Variants in GPHN observed in about 807,000 individuals in gnomAD.
GPHN encodes gephyrin.
A neutral mutation model predicts 95.5 loss-of-function variants in GPHN; 17 were observed. The ratio of observed to expected loss-of-function variants is 0.18; its 90% CI spans 0.12 to 0.27. The LOEUF (loss-of-function observed/expected upper bound fraction) is 0.27, where lower values mean the gene tolerates loss of function less well. GPHN is among the 10% of genes least tolerant of loss of function. The pLI is 1.00. For missense variants in GPHN, 660 were observed against 978.1 expected, an observed-to-expected ratio of 0.67 and a Z score of 4.34; for synonymous variants, 320 against 322.5, an observed-to-expected ratio of 0.99 and a Z score of 0.08.
intron 1 of GPHN, among the ~76,000 whole-genome samples, chr14:66,528,240 T>C (rs1395743429): frequency 6.6e-6 from 1 of 152,248 alleles, no homozygotes; most frequent in Non-Finnish European, 1.5e-5. Flanking sequence ...TCTCTTTTGA[T>C]CTTTGTTGGC....
At chr14:66,997,983 T>C (rs2071933039) in intron 9 of GPHN, among the ~76,000 whole-genome samples, 1 of 152,236 alleles carries the variant, frequency 6.6e-6, no homozygotes, top group Non-Finnish European at 1.5e-5. Context: ...TTTTTGCCAC[T>C]TCATCCAGGC....
intron 9 of GPHN, 55 bp downstream of exon 9, chr14:66,965,380 A>C: frequency 6.8e-7 from 1 of 1,478,168 alleles, no homozygotes; most frequent in Middle Eastern, 1.7e-4. Flanking sequence ...ATCTGGGAAA[A>C]CTAACCAATA....
At chr14:67,062,028 C>A (rs888280612) in intron 11 of GPHN, among the ~76,000 whole-genome samples, 4 of 152,044 alleles carry the variant, frequency 2.6e-5, no homozygotes, top group Non-Finnish European at 5.9e-5. Context: ...TGTAAGACAA[C>A]TGACTGAAAT....
intron 9 of GPHN, among the ~76,000 whole-genome samples, chr14:67,002,138 A>G (rs540476054): frequency 7.3e-5 from 11 of 151,672 alleles, no homozygotes; most frequent in African/African-American, 2.7e-4. Flanking sequence ...TATTCAAAAA[A>G]CAGAAGTTTA....
At chr14:67,582,491 T>A in the GPHN span, among the ~76,000 whole-genome samples, 1 of 152,094 alleles carries the variant, frequency 6.6e-6, no homozygotes, top group Non-Finnish European at 1.5e-5. The surrounding 1 kb of genome is among the most constrained non-coding windows in gnomAD (Gnocchi z 5.0). Flanking sequence ...ACTTCACTTC[T>A]CTATGCTTTA....
the GPHN span, chr14:67,562,792 G>C: frequency 6.2e-7 from 1 of 1,613,824 alleles, no homozygotes. Context: ...CAGCAGGGAA[G>C]AATGAGGAAA....
the GPHN span, among the ~76,000 whole-genome samples, chr14:67,357,088 T>C: frequency 6.6e-6 from 1 of 152,244 alleles, no homozygotes; most frequent in Non-Finnish European, 1.5e-5. Flanking sequence ...ACAGCTAATA[T>C]GTAGCAGAAC....
intron 5 of GPHN, among the ~76,000 whole-genome samples, chr14:66,904,018 G>A (rs971153107): frequency 6.6e-6 from 1 of 152,046 alleles, no homozygotes. Flanking sequence ...CTCTTAACAG[G>A]TTGTTGTAGC....
In GPHN at chr14:67,175,159, A is replaced by G. The variant is rs936546200; in HGVS notation, c.2080-4419A>G. ...AGTCATGAAGTCCTTGCCCATGCCTATGTCCTGAATGGTATTGTCTAGGTT... is the reference window on the plus strand; with the variant it reads ...AGTCATGAAGTCCTTGCCCATGCCTGTGTCCTGAATGGTATTGTCTAGGTT... On this transcript the variant is annotated intron_variant, in intron 21 of 22. Coordinates refer to ENST00000478722, the MANE Select transcript of GPHN (RefSeq NM_020806.5). Among the ~76,000 whole-genome samples the G allele has an allele frequency of 1.2e-4, 18 of 152,264 alleles. No individual in the cohort carries two copies. The East Asian group carries it at 2.1e-3, about 18-fold the overall frequency.
intron 11 of GPHN, among the ~76,000 whole-genome samples, chr14:67,066,764 G>A (rs993622769): frequency 6.6e-6 from 1 of 152,050 alleles, no homozygotes; most frequent in African/African-American, 2.4e-5. Flanking sequence ...CTCGTGCCTT[G>A]GTTTTCAGCT....
the GPHN span, chr14:67,619,786 T>G: frequency 3.7e-6 from 2 of 544,462 alleles, no homozygotes; most frequent in Non-Finnish European, 6.5e-6. Flanking sequence ...TGCAGAGCGG[T>G]GGGCGGGGCC....
intron 1 of GPHN, among the ~76,000 whole-genome samples, chr14:66,592,549 A>C (rs74718254): frequency 6.6e-6 from 1 of 152,230 alleles, no homozygotes; most frequent in Non-Finnish European, 1.5e-5. Context: ...ACATATGAAA[A>C]AAGCTCATCA....
the GPHN span, among the ~76,000 whole-genome samples, chr14:67,349,452 C>T: frequency 2.6e-5 from 4 of 152,198 alleles, no homozygotes; most frequent in African/African-American, 9.7e-5. Flanking sequence ...TCTAGGTTTG[C>T]TATTGAATTG....
the GPHN span, among the ~76,000 whole-genome samples, chr14:67,601,567 T>C: frequency 6.6e-6 from 1 of 152,194 alleles, no homozygotes; most frequent in Non-Finnish European, 1.5e-5. Flanking sequence ...GTTCCATTTT[T>C]ACTTCTGATG....
At chr14:66,743,747 A>G (rs1320076829) in intron 2 of GPHN, among the ~76,000 whole-genome samples, 3 of 152,034 alleles carry the variant, frequency 2.0e-5, no homozygotes, top group Non-Finnish European at 4.4e-5. Flanking sequence ...ATCTCAAAAA[A>G]CAACAACAAC....
intron 2 of GPHN, among the ~76,000 whole-genome samples, chr14:66,727,779 T>G (rs1412033444): frequency 6.6e-6 from 1 of 152,146 alleles, no homozygotes; most frequent in East Asian, 1.9e-4. Flanking sequence ...TTTGGAAAAT[T>G]TATAGCCTGA....
At chr14:67,523,053 G>T in the GPHN span, among the ~76,000 whole-genome samples, 1 of 152,160 alleles carries the variant, frequency 6.6e-6, no homozygotes, top group African/African-American at 2.4e-5. Context: ...GGCTGGGCGC[G>T]GTGGCTCATG....
chr14:67,577,343 G>C, the GPHN span: 3,142 of 1,585,006 alleles, frequency 2.0e-3, 3 homozygotes, highest in Non-Finnish European at 2.5e-3. Flanking sequence ...CTACAGCAAA[G>C]ACGGCCTATA....
At chr14:67,630,148 T>G in the GPHN span, among the ~76,000 whole-genome samples, 1 of 152,194 alleles carries the variant, frequency 6.6e-6, no homozygotes, top group African/African-American at 2.4e-5. Flanking sequence ...ACAAAGAACG[T>G]CAGAGGATGA....
Sources: gnomAD v4.1 joint callset for allele counts (sites outside exome capture counted in the v4.1 genomes callset) on GRCh38, gnomAD v4.1.1 for gene constraint, Gnocchi (gnomAD v3.1) non-coding constraint, MANE v1.5 for transcripts, NCBI Gene and HGNC (gene_info 2026-07-23, HGNC 2026-07-21) for gene names.